The following PUS3 variants were observed in gnomAD, a reference collection of about 807,000 sequenced individuals.
The protein encoded by PUS3 is pseudouridine synthase 3.
A neutral mutation model predicts 43.3 loss-of-function variants in PUS3; 36 were observed. That is an observed-to-expected ratio of 0.83 (90% CI 0.64 to 1.10). The LOEUF is 1.10. Ranked by LOEUF, PUS3 falls within the 50% of genes least tolerant of loss-of-function variation. The pLI is 0.00. For synonymous variants in PUS3, 183 were observed against 199.2 expected, an observed-to-expected ratio of 0.92 and a Z score of 0.69; for missense variants, 544 against 589.9, an observed-to-expected ratio of 0.92 and a Z score of 0.81.
Position 125,903,200 on chromosome 11 carries a change from A to G in PUS3, c.-77T>C. 4.1e-6 allele frequency: 4 copies of G among 985,454 alleles called. No homozygotes were observed. Among genetic ancestry groups the G allele is most frequent in the Non-Finnish European group, 4.8e-6 (4 of 829,942 alleles). The allele number at this position is 985,454 out of a possible 1,614,324, so 61.0% of individuals were successfully genotyped here. ...GGCAGCCGGCCGCGCCGCGTTTCCG[A>G]GAAAGGAAGCTGTCACTGTGCGTCT... is the stretch of plus-strand genomic sequence containing the variant. On this transcript the variant is annotated 5_prime_UTR_variant, in exon 1 of 4. Transcript: ENST00000227474.
Position 125,893,754 on chromosome 11 carries a change from T to C in PUS3, c.*31A>G, listed in dbSNP as rs1397071059. ...CCTTTTCTGTCCACCTACCATTAGG[T>C]GGTTCCTAGATCCTGGCAAATTGTC... is the stretch of plus-strand genomic sequence containing the variant. On this transcript the variant is annotated 3_prime_UTR_variant, in exon 4 of 4. Coordinates refer to ENST00000227474, the MANE Select transcript of PUS3 (RefSeq NM_031307.4). 1 of 1,535,776 alleles carries C rather than the reference T, an allele frequency of 6.5e-7. No homozygotes were observed. The highest frequency in any genetic ancestry group is 2.0e-5 in the Admixed American group (1 of 49,544).
Position 125,893,662 on chromosome 11 carries a change from T to C in PUS3, c.*123A>G, listed in dbSNP as rs1172959082. The C allele has an allele frequency of 5.3e-6, 4 of 754,258 alleles. No homozygotes were observed. The highest frequency in any genetic ancestry group is 7.7e-6 in the Non-Finnish European group (4 of 522,404). The allele number at this position is 754,258 out of a possible 1,614,324, so 46.7% of individuals were successfully genotyped here. A position where few individuals can be genotyped will look rare whatever the true frequency, so the allele number is the denominator to read the frequency against. On this transcript the variant is annotated 3_prime_UTR_variant, in exon 4 of 4. Coordinates refer to ENST00000227474, the MANE Select transcript of PUS3 (RefSeq NM_031307.4). ...CTTAATAGGGCTTTAGTCTTTTTGC[T>C]TTTTTTTTTCTTTTAAGAGCTGATC...
rs765600931 is a variant in PUS3, at chr11:125,894,267, G to A, written c.964C>T (p.Leu322=). ...PQYSMAVEFP[L]VLYDCKFENV... ...TCAAACTTACAGTCATATAAGACTA[G>A]AGGAAATTCTACAGCCATACTAGAG... The change falls in exon 4 of 4, where the codon CTA becomes TTA. Residue 322 remains leucine (L), a synonymous_variant. Coordinates refer to ENST00000227474, the MANE Select transcript of PUS3 (RefSeq NM_031307.4). The A allele has an allele frequency of 6.2e-7, 1 of 1,608,676 alleles. No individual in the cohort carries two copies. Among genetic ancestry groups the A allele is most frequent in the Non-Finnish European group, 8.5e-7 (1 of 1,175,906 alleles).
At chr11:125,896,566 T>C (rs528517034) in intron 1 of PUS3, among the ~76,000 whole-genome samples, 1 of 152,344 alleles carries the variant, frequency 6.6e-6, no homozygotes, top group East Asian at 1.9e-4. Flanking sequence ...TAAGGTTTCA[T>C]TAAAGCAGTC....
intron 3 of PUS3, among the ~76,000 whole-genome samples, chr11:125,894,706 G>A (rs2134242188): frequency 6.6e-6 from 1 of 152,178 alleles, no homozygotes; most frequent in African/African-American, 2.4e-5. Context: ...TAGGAAATTA[G>A]GAAAAATTCA....
At chr11:125,900,114 C>T in intron 1 of PUS3, 1 of 1,614,158 alleles carries the variant, frequency 6.2e-7, no homozygotes, top group Non-Finnish European at 8.5e-7. Flanking sequence ...CTTTGTCGAG[C>T]AGAACCCCAA....
intron 1 of PUS3, among the ~76,000 whole-genome samples, chr11:125,897,356 C>T (rs1030036443): frequency 1.3e-5 from 2 of 151,892 alleles, no homozygotes; most frequent in African/African-American, 4.8e-5. Flanking sequence ...GCAAAACAGT[C>T]TAGAAACCCA....
In PUS3 at chr11:125,895,509, T is replaced by A. The variant is rs763478603; in HGVS notation, c.659A>T (p.His220Leu). The stretch of plus-strand genomic sequence containing the variant: ...CATTTTACACAAGTTCCTGAAATCA[T>A]GGGTGCCAACATACTTCTGAGCTGC... ...DYAAQKYVGTHDFRNLCKMDV... is the reference protein window; with the variant it reads ...DYAAQKYVGTLDFRNLCKMDV... Residue 220 changes from histidine (H) to leucine (L), a missense_variant, in exon 3 of 4, where the codon CAT (histidine) becomes CTT (leucine). Coordinates refer to ENST00000227474, the MANE Select transcript of PUS3 (RefSeq NM_031307.4). 3.1e-6 allele frequency: 5 copies of A among 1,614,180 alleles called. No individual in the cohort carries two copies. Among genetic ancestry groups the A allele is most frequent in the Non-Finnish European group, 4.2e-6 (5 of 1,180,046 alleles).
At position 125,894,197 on chromosome 11, in the gene PUS3, A is replaced by T. The variant is rs750549619; in HGVS notation, c.1034T>A (p.Ile345Asn). Residue 345 changes from isoleucine to asparagine, a missense_variant, in exon 4 of 4, where the codon ATT (isoleucine) becomes AAT (asparagine). Coordinates refer to ENST00000227474, the MANE Select transcript of PUS3 (RefSeq NM_031307.4). ...AGCCCACAGTTGTTGTAGGTGGGTA[A>T]TATTGAACTCCTGAGCCTCCTGGTC... ...IYDQEAQEFN[I>N]THLQQLWANH... 4.3e-6 allele frequency: 7 copies of T among 1,614,110 alleles called. No homozygotes were observed. The highest frequency in any genetic ancestry group is 5.9e-6 in the Non-Finnish European group (7 of 1,179,974).
chr11:125,899,916 A>T lies in PUS3; in HGVS notation c.-47+3254T>A, dbSNP rs1268200993. ...GAAGGAATGGGCTCTCCAGCTTACG[A>T]ACAAGACCTGATTGTTGCCAGCAGA... On this transcript the variant is annotated intron_variant, in intron 1 of 3. Transcript: ENST00000227474. The T allele has an allele frequency of 6.2e-7, 1 of 1,614,090 alleles. No homozygotes were observed. The highest frequency in any genetic ancestry group is 2.2e-5 in the East Asian group (1 of 44,886).
In PUS3 at chr11:125,895,447, T is replaced by C. The variant is rs758375656; in HGVS notation, c.721A>G (p.Ile241Val). 2.5e-5 allele frequency: 40 copies of C among 1,614,032 alleles called. No homozygotes were observed. The highest frequency in any genetic ancestry group is 3.3e-5 in the Non-Finnish European group (39 of 1,180,026). Residue 241 changes from isoleucine to valine, a missense_variant, in exon 3 of 4, where the codon ATT becomes GTT. Transcript: ENST00000227474. ...ACTAGCTGTACTTGAGCAGATAGAATAGTCCTCTGAAAATTAATCACACCG... is the reference window on the plus strand; with the variant it reads ...ACTAGCTGTACTTGAGCAGATAGAACAGTCCTCTGAAAATTAATCACACCG... ...ANGVINFQRT[I>V]LSAQVQLVGQ...
chr11:125,897,994 G>A (rs183338039), intron 1 of PUS3, among the ~76,000 whole-genome samples: 49 of 152,204 alleles, frequency 3.2e-4, no homozygotes, highest in African/African-American at 1.0e-3. Flanking sequence ...TTGGAATTCC[G>A]CGCAACATAA....
intron 3 of PUS3, among the ~76,000 whole-genome samples, chr11:125,894,914 C>T (rs1053558522): frequency 1.3e-5 from 2 of 152,136 alleles, no homozygotes; most frequent in African/African-American, 4.8e-5. Flanking sequence ...TGGGATAGAA[C>T]AATGAGAGGA....
Position 125,896,755 on chromosome 11 carries a change from T to C in PUS3, c.-46-425A>G, listed in dbSNP as rs181551979. Among the ~76,000 whole-genome samples, 6 of 152,320 alleles carry C rather than the reference T, an allele frequency of 3.9e-5. No individual in the cohort carries two copies. In the East Asian group the frequency reaches 1.2e-3, roughly 29 times the overall value. The stretch of plus-strand genomic sequence containing the variant: ...TACTTTTATCTGCTCTGAGTTTCTA[T>C]TGCTTTCCATTATCTCAAATAAATG... On this transcript the variant is annotated intron_variant, in intron 1 of 3. Transcript: ENST00000227474.
In PUS3 at chr11:125,895,223, C is replaced by A; in HGVS notation, c.944+1G>T. 1.3e-6 allele frequency: 2 copies of A among 1,573,276 alleles called. No individual in the cohort carries two copies. Among genetic ancestry groups the A allele is most frequent in the Non-Finnish European group, 8.6e-7 (1 of 1,163,350 alleles). ...CCATTTATTTTTTATTTTTAACTCA[C>A]CTATATTGAGGCTTTTGGGGATTTT... On this transcript the variant is annotated splice_donor_variant, in intron 3 of 3. Transcript: ENST00000227474. LOFTEE classifies it high-confidence loss of function.
chr11:125,899,909 G>C, intron 1 of PUS3: 1 of 1,614,202 alleles, frequency 6.2e-7, no homozygotes, highest in Non-Finnish European at 8.5e-7. Context: ...GGGCTCTCCA[G>C]CTTACGAACA....
intron 1 of PUS3, among the ~76,000 whole-genome samples, 194 bp from the exon 2 acceptor site, chr11:125,896,524 G>T (rs933968992): frequency 1.3e-5 from 2 of 152,202 alleles, no homozygotes; most frequent in African/African-American, 2.4e-5. Context: ...TTCACAGAGG[G>T]AAAGAACTGT....
Position 125,895,550 on chromosome 11 carries a change from A to G in PUS3, c.618T>C (p.Ile206=). 3 of 1,614,214 alleles carry G rather than the reference A, an allele frequency of 1.9e-6. No homozygotes were observed. The highest frequency in any genetic ancestry group is 2.5e-6 in the Non-Finnish European group (3 of 1,180,044). ...RYFFPRADLD[I]VTMDYAAQKY... is the part of the protein sequence containing the mutation. ...TCTGAGCTGCATAATCCATGGTTAC[A>G]ATATCTAAATCAGCACGAGGGAAAA... The change falls in exon 3 of 4, where the codon ATT becomes ATC. Residue 206 remains isoleucine (I), a synonymous_variant. Coordinates refer to ENST00000227474, the MANE Select transcript of PUS3 (RefSeq NM_031307.4).
At position 125,895,692 on chromosome 11, in the gene PUS3, C is replaced by T. The variant is rs113575767; in HGVS notation, c.476G>A (p.Arg159His). 288 of 1,614,106 alleles carry T rather than the reference C, an allele frequency of 1.8e-4. 2 individuals carry two copies. In the African/African-American group the frequency reaches 1.9e-3, roughly 11 times the overall value. The change falls in exon 3 of 4, where the codon CGT becomes CAT. Residue 159 changes from arginine to histidine, a missense_variant. Arg to His is a conservative substitution (Grantham distance 29, BLOSUM62 0). Coordinates refer to ENST00000227474, the MANE Select transcript of PUS3 (RefSeq NM_031307.4). ...EEANAAAEEI[R>H]YTHILNRVLP... ...TACCCGATTGAGAATGTGGGTATAA[C>T]GGATCTCTTCAGCAGCAGCATTAGC...
Sources: allele counts gnomAD v4.1 joint callset (sites outside exome capture counted in the v4.1 genomes callset), GRCh38; gene constraint gnomAD v4.1.1; transcripts MANE v1.5; gene names NCBI Gene and HGNC (gene_info 2026-07-23, HGNC 2026-07-21).